The following SPRR2G variants were observed in gnomAD, a reference collection of about 807,000 sequenced individuals.
SPRR2G encodes the protein small proline rich protein 2G, also known as small proline-rich protein 2G.
A neutral mutation model predicts 0.7 loss-of-function variants in SPRR2G; 1 was observed. That is an observed-to-expected ratio of 1.49 (90% CI 0.53 to 7.06). SPRR2G has a LOEUF of 7.06. Among genes scored for constraint, SPRR2G ranks in the 30% most tolerant of loss-of-function variants. SPRR2G has a pLI of 0.14. For synonymous variants in SPRR2G, 38 were observed against 33.9 expected (o/e 1.12, Z -0.42); for missense variants, 96 against 88.5 (o/e 1.09, Z -0.34).
rs1275239467 is a variant in SPRR2G at position 153,149,803 on chromosome 1, C to A, written c.*86G>T. 9 of 1,532,028 alleles carry A rather than the reference C, an allele frequency of 5.9e-6. No homozygotes were observed. The highest frequency in any genetic ancestry group is 7.2e-6 in the Non-Finnish European group (8 of 1,111,980). 94.9% of individuals were successfully genotyped at this position (1,532,028 alleles called of 1,614,324 possible). A position where few individuals can be genotyped will look rare whatever the true frequency, so the allele number is the denominator to read the frequency against. The stretch of plus-strand genomic sequence containing the variant: ...TTAGGGAAGATGCAGCCTCCCACTA[C>A]AGCTGAAGGGAAGATGATGGAGTCC... On this transcript the variant is annotated 3_prime_UTR_variant, in exon 2 of 2. Coordinates refer to ENST00000368748, the MANE Select transcript of SPRR2G (RefSeq NM_001014291.4).
the SPRR2G span, among the ~76,000 whole-genome samples, chr1:153,173,973 C>T: frequency 2.6e-5 from 4 of 152,182 alleles, no homozygotes; most frequent in Non-Finnish European, 5.9e-5. Flanking sequence ...ACATTTTTTA[C>T]TTTGTTATAG....
upstream of SPRR2G, among the ~76,000 whole-genome samples, chr1:153,153,962 T>C (rs1157054709): frequency 6.6e-6 from 1 of 152,108 alleles, no homozygotes; most frequent in Non-Finnish European, 1.5e-5. Flanking sequence ...GTTACTCACA[T>C]ATGGCCTTTA....
At chr1:153,195,218 T>C in the SPRR2G span, among the ~76,000 whole-genome samples, 1 of 152,150 alleles carries the variant, frequency 6.6e-6, no homozygotes, top group South Asian at 2.1e-4. Context: ...AGTACGTTGC[T>C]CCCTGCACCC....
upstream of SPRR2G, among the ~76,000 whole-genome samples, chr1:153,153,115 A>G (rs1656508101): frequency 6.6e-6 from 1 of 152,218 alleles, no homozygotes; most frequent in Admixed American, 6.5e-5. Context: ...CTTATAAACT[A>G]GTAACCGTGG....
chr1:153,171,119 C>T, the SPRR2G span, among the ~76,000 whole-genome samples: 6 of 152,156 alleles, frequency 3.9e-5, no homozygotes, highest in African/African-American at 7.2e-5. Flanking sequence ...TCACACCTGC[C>T]TTAAATGCCA....
At chr1:153,150,423 A>G (rs923597082) in intron 1 of SPRR2G, among the ~76,000 whole-genome samples, 1 of 152,216 alleles carries the variant, frequency 6.6e-6, no homozygotes, top group African/African-American at 2.4e-5. Flanking sequence ...CTCAGATATT[A>G]AAAGTCTAGC....
chr1:153,180,793 T>C, the SPRR2G span, among the ~76,000 whole-genome samples: 2 of 152,202 alleles, frequency 1.3e-5, no homozygotes, highest in African/African-American at 4.8e-5. Flanking sequence ...TCTATCTTTT[T>C]TCGTGTTAGC....
At chr1:153,192,739 T>C in the SPRR2G span, among the ~76,000 whole-genome samples, 1 of 152,246 alleles carries the variant, frequency 6.6e-6, no homozygotes, top group Admixed American at 6.5e-5. Flanking sequence ...GTATGTAGAA[T>C]ATATTTTTCT....
chr1:153,199,230 C>G, the SPRR2G span, among the ~76,000 whole-genome samples: 2 of 152,122 alleles, frequency 1.3e-5, no homozygotes, highest in African/African-American at 2.4e-5. Context: ...GGAGGGAAAA[C>G]TGGCTGTCCA....
At chr1:153,194,526 G>A in the SPRR2G span, among the ~76,000 whole-genome samples, 18 of 152,242 alleles carry the variant, frequency 1.2e-4, no homozygotes, top group African/African-American at 4.1e-4. Context: ...CCCACTCTCT[G>A]GAACTTTTGG....
the SPRR2G span, among the ~76,000 whole-genome samples, chr1:153,164,835 C>T: frequency 6.6e-6 from 1 of 152,276 alleles, no homozygotes; most frequent in East Asian, 1.9e-4. Flanking sequence ...AACCCACAGA[C>T]ATGGAGTAAC....
chr1:153,158,356 C>G, the SPRR2G span, among the ~76,000 whole-genome samples: 1 of 152,314 alleles, frequency 6.6e-6, no homozygotes, highest in African/African-American at 2.4e-5. Flanking sequence ...AGGTCCCATG[C>G]AAGTCTGAAA....
chr1:153,170,938 G>A, the SPRR2G span, among the ~76,000 whole-genome samples: 1 of 152,212 alleles, frequency 6.6e-6, no homozygotes, highest in Non-Finnish European at 1.5e-5. Context: ...GGGTATCATG[G>A]GCAACTGACA....
the SPRR2G span, among the ~76,000 whole-genome samples, chr1:153,199,372 T>C: frequency 1.3e-5 from 2 of 152,112 alleles, no homozygotes; most frequent in Admixed American, 6.5e-5. Context: ...CCTGTTATAC[T>C]AAAGAACTGT....
the SPRR2G span, among the ~76,000 whole-genome samples, chr1:153,158,925 C>T: frequency 2.0e-5 from 3 of 152,202 alleles, no homozygotes; most frequent in Non-Finnish European, 1.5e-5. Context: ...GGCCATGGCT[C>T]AATCTGGATG....
the SPRR2G span, among the ~76,000 whole-genome samples, chr1:153,197,589 A>G: frequency 6.6e-6 from 1 of 152,366 alleles, no homozygotes; most frequent in East Asian, 1.9e-4. Context: ...GATGCAAAGA[A>G]TAATAAGAAA....
the SPRR2G span, among the ~76,000 whole-genome samples, chr1:153,171,835 T>A: frequency 6.6e-6 from 1 of 152,122 alleles, no homozygotes; most frequent in African/African-American, 2.4e-5. Context: ...GTGAAATTAG[T>A]GGATGTCTAA....
chr1:153,165,265 T>C, the SPRR2G span, among the ~76,000 whole-genome samples: 3 of 152,052 alleles, frequency 2.0e-5, no homozygotes, highest in Non-Finnish European at 4.4e-5. Flanking sequence ...TTGATAGATA[T>C]TGAACTAATA....
chr1:153,165,190 A>C, the SPRR2G span, among the ~76,000 whole-genome samples: 5 of 152,090 alleles, frequency 3.3e-5, no homozygotes, highest in African/African-American at 4.8e-5. Flanking sequence ...GGATGGATGG[A>C]TGGATGGATG....
Sources: allele counts gnomAD v4.1 joint callset (sites outside exome capture counted in the v4.1 genomes callset), GRCh38; gene constraint gnomAD v4.1.1; transcripts MANE v1.5; gene names NCBI Gene and HGNC (gene_info 2026-07-23, HGNC 2026-07-21).